SAMMSON: variants seen among roughly 807,000 people sequenced by gnomAD.
SAMMSON encodes the protein survival associated mitochondrial melanoma specific oncogenic non-coding RNA.
At chr3:70,348,804 T>C (rs1015002281) in intron 7 of SAMMSON, among the ~76,000 whole-genome samples, 1 of 151,850 alleles carries the variant, frequency 6.6e-6, no homozygotes, top group African/African-American at 2.4e-5. Context: ...AAGAACTGTG[T>C]TTTTTTTCCC....
At chr3:70,088,495 A>G (rs1480826887) in intron 4 of SAMMSON, among the ~76,000 whole-genome samples, 1 of 152,210 alleles carries the variant, frequency 6.6e-6, no homozygotes, top group East Asian at 1.9e-4. Context: ...GAAAGTAACT[A>G]GGGATAAAAG....
intron 4 of SAMMSON, among the ~76,000 whole-genome samples, chr3:70,203,853 C>T (rs1701266286): frequency 6.6e-6 from 1 of 151,968 alleles, no homozygotes; most frequent in African/African-American, 2.4e-5. Context: ...ACTTTCTTAT[C>T]CACAGAGAAG....
downstream of SAMMSON, among the ~76,000 whole-genome samples, chr3:70,392,872 G>C (rs1701061551): frequency 6.6e-6 from 1 of 152,082 alleles, no homozygotes; most frequent in African/African-American, 2.4e-5. Context: ...ATTGAACAAG[G>C]AGAGTTCAAC....
chr3:70,044,587 G>A (rs1422608341), intron 3 of SAMMSON, among the ~76,000 whole-genome samples: 3 of 151,932 alleles, frequency 2.0e-5, no homozygotes, highest in Non-Finnish European at 4.4e-5. Context: ...GGTATCAAAG[G>A]CAGTGAAGAT....
At chr3:70,309,902 G>A (rs1020328204) in intron 7 of SAMMSON, among the ~76,000 whole-genome samples, 5 of 152,082 alleles carry the variant, frequency 3.3e-5, no homozygotes, top group Admixed American at 2.0e-4. Flanking sequence ...TAATGGACAC[G>A]ATTCTTTTTT....
chr3:70,401,276 A>G (rs1004157820), intron 2 of SAMMSON, among the ~76,000 whole-genome samples: 6 of 148,886 alleles, frequency 4.0e-5, no homozygotes, highest in Non-Finnish European at 8.8e-5. Flanking sequence ...GTTAAAGTGA[A>G]GAGCTACAAC....
At chr3:70,032,446 A>G (rs952658261) in intron 3 of SAMMSON, among the ~76,000 whole-genome samples, 1 of 152,208 alleles carries the variant, frequency 6.6e-6, no homozygotes, top group Non-Finnish European at 1.5e-5. Context: ...TTCAGCCTAG[A>G]GGATTTTGCT....
intron 2 of SAMMSON, chr3:70,425,204 G>A (rs1170729329): frequency 1.3e-5 from 2 of 152,000 alleles, no homozygotes; most frequent in African/African-American, 4.8e-5. Context: ...AATTTCCTTG[G>A]TTCTCAGCTT....
chr3:70,029,560 C>T (rs1014591111), intron 3 of SAMMSON, among the ~76,000 whole-genome samples: 1 of 151,976 alleles, frequency 6.6e-6, no homozygotes. Flanking sequence ...TTGAGGCCAG[C>T]CTGGCCAACA....
At position 70,087,446 on chromosome 3, in the gene SAMMSON, A is replaced by G. The variant is rs551873467; in HGVS notation, n.507+15881A>G. Among the ~76,000 whole-genome samples, 7 of 152,286 alleles carry G rather than the reference A, an allele frequency of 4.6e-5. No individual in the cohort carries two copies. In the South Asian group the frequency reaches 1.4e-3, roughly 32 times the overall value. ...GCCTGAGACCTTTTTCTCTGTATGC[A>G]CATTCGTCCAAAAATAGATTCAACC... On this transcript the variant is annotated intron_variant and non_coding_transcript_variant, in intron 4 of 9. Transcript: ENST00000642114.
chr3:70,077,038 G>C (rs1232508563), intron 4 of SAMMSON, among the ~76,000 whole-genome samples: 1 of 152,108 alleles, frequency 6.6e-6, no homozygotes, highest in African/African-American at 2.4e-5. Flanking sequence ...TTTGTGGGGG[G>C]AATTTGAGAG....
intron 4 of SAMMSON, among the ~76,000 whole-genome samples, chr3:70,220,069 T>C (rs6804800): frequency 0.13 from 20,224 of 152,098 alleles, 2,803 homozygotes; most frequent in African/African-American, 0.36. Flanking sequence ...CAAGGAAAAC[T>C]AGATCAAATG....
intron 4 of SAMMSON, among the ~76,000 whole-genome samples, chr3:70,232,633 C>G (rs1327595035): frequency 6.6e-6 from 1 of 151,906 alleles, no homozygotes; most frequent in African/African-American, 2.4e-5. Context: ...CTCCTGAGCT[C>G]GTGATCCGCC....
At chr3:70,123,383 G>T (rs989872035) in intron 4 of SAMMSON, among the ~76,000 whole-genome samples, 1 of 152,162 alleles carries the variant, frequency 6.6e-6, no homozygotes, top group African/African-American at 2.4e-5. Flanking sequence ...TGATTCTTGT[G>T]CCTCAGTCTC....
chr3:70,070,733 A>G (rs184767572), intron 3 of SAMMSON, among the ~76,000 whole-genome samples: 187 of 152,152 alleles, frequency 1.2e-3, no homozygotes, highest in East Asian at 1.5e-3. Flanking sequence ...TGATTTTTCT[A>G]TGTATTTCTG....
At chr3:70,199,768 T>C (rs771079130) in intron 4 of SAMMSON, among the ~76,000 whole-genome samples, 1 of 152,192 alleles carries the variant, frequency 6.6e-6, no homozygotes, top group Non-Finnish European at 1.5e-5. Context: ...CACTATTTCC[T>C]GGTGCTTTAA....
intron 3 of SAMMSON, chr3:70,014,685 G>C (rs1257107650): frequency 1.3e-5 from 2 of 152,192 alleles, no homozygotes; most frequent in Non-Finnish European, 2.9e-5. Context: ...CAACCACCCT[G>C]TCTTTCCTCC....
At chr3:70,189,844 G>T (rs1321089451) in intron 4 of SAMMSON, among the ~76,000 whole-genome samples, 1 of 152,184 alleles carries the variant, frequency 6.6e-6, no homozygotes, top group Non-Finnish European at 1.5e-5. Context: ...GGAAATTCCA[G>T]AGCAATTTTA....
chr3:70,417,645 T>A (rs1230580382), intron 2 of SAMMSON, among the ~76,000 whole-genome samples: 3 of 152,178 alleles, frequency 2.0e-5, no homozygotes, highest in African/African-American at 7.2e-5. Context: ...CTCTACTACT[T>A]TCTCTGAGTT....
Sources: allele counts gnomAD v4.1 joint callset (sites outside exome capture counted in the v4.1 genomes callset), GRCh38; gene constraint gnomAD v4.1.1; transcripts MANE v1.5; gene names NCBI Gene and HGNC (gene_info 2026-07-23, HGNC 2026-07-21).